The following MCF2L2 variants were observed in gnomAD, a reference collection of about 807,000 sequenced individuals.
The protein encoded by MCF2L2 is MCF.2 cell line derived transforming sequence-like 2.
MCF2L2 carries 102 observed loss-of-function variants against 150.2 expected under a neutral mutation model. The ratio of observed to expected loss-of-function variants is 0.68; its 90% CI spans 0.58 to 0.80. The LOEUF (loss-of-function observed/expected upper bound fraction) is 0.80. MCF2L2 is among the 30% of genes least tolerant of loss of function. The pLI is 0.00. For synonymous variants in MCF2L2, 465 were observed against 491.3 expected (o/e 0.95, Z 0.71); for missense variants, 1,256 against 1,372.8 (o/e 0.91, Z 1.34).
intron 22 of MCF2L2, among the ~76,000 whole-genome samples, chr3:183,213,745 T>C (rs1722817569): frequency 6.6e-6 from 1 of 152,226 alleles, no homozygotes; most frequent in Non-Finnish European, 1.5e-5. Flanking sequence ...GTGACAGCCA[T>C]GTAATCTTGA....
At chr3:183,395,917 C>CAAAAAA (rs11338932) in intron 1 of MCF2L2, among the ~76,000 whole-genome samples, 8 of 58,088 alleles carry the variant, frequency 1.4e-4, no homozygotes, top group African/African-American at 3.6e-4. Context: ...GACATCGTCT[C>CAAAAAA]AAAAAAAAAA....
Position 183,341,617 on chromosome 3 carries a change from T to G in MCF2L2, c.289A>C (p.Ser97Arg), listed in dbSNP as rs377129962. Residue 97 changes from serine to arginine, a missense_variant, in exon 4 of 30, where the codon AGC (serine) becomes CGC (arginine). By Grantham distance (110) the Ser-to-Arg change is moderately radical. Coordinates refer to ENST00000328913, the MANE Select transcript of MCF2L2 (RefSeq NM_015078.4). ...TCGATAACAACAATGAATCCAATGC[T>G]GGCAGCCTCCACACTGCAAAGAAGG... ...LTSIPSVEAA[S>R]IGFIVVIDRR... is the part of the protein sequence containing the mutation. The G allele has an allele frequency of 6.8e-6, 11 of 1,613,990 alleles. No homozygotes were observed. In the South Asian group the frequency reaches 1.2e-4, roughly 18 times the overall value.
At chr3:183,380,024 T>C (rs1264891304) in intron 2 of MCF2L2, among the ~76,000 whole-genome samples, 1 of 151,958 alleles carries the variant, frequency 6.6e-6, no homozygotes, top group Non-Finnish European at 1.5e-5. Flanking sequence ...ATAAAACTGC[T>C]CAAAAAATGG....
At position 183,311,517 on chromosome 3, in the gene MCF2L2, T is replaced by C. The variant is rs1017630680; in HGVS notation, c.878+131A>G. On this transcript the variant is annotated intron_variant, in intron 8 of 29. Coordinates refer to ENST00000328913, the MANE Select transcript of MCF2L2 (RefSeq NM_015078.4). ...GGACGTATTCTTTTTTCCTTTGTTG[T>C]CTCAAATATTCTTCTTCCTTGGCCC... The C allele has an allele frequency of 1.4e-5, 14 of 998,174 alleles. No homozygotes were observed. The African/African-American group carries it at 2.3e-4, about 16-fold the overall frequency. 61.8% of individuals were successfully genotyped at this position (998,174 alleles called of 1,614,324 possible).
intron 3 of MCF2L2, among the ~76,000 whole-genome samples, chr3:183,364,819 A>G (rs1402392280): frequency 6.6e-6 from 1 of 152,196 alleles, no homozygotes; most frequent in Admixed American, 6.5e-5. Context: ...ACGAAAATAT[A>G]GGTTACTTAA....
intron 15 of MCF2L2, among the ~76,000 whole-genome samples, chr3:183,244,157 C>T (rs987817662): frequency 4.6e-5 from 7 of 151,712 alleles, no homozygotes; most frequent in African/African-American, 1.7e-4. Flanking sequence ...AGAAATCCAT[C>T]CTTAAAATTC....
At chr3:183,245,395 A>G (rs1343631683) in intron 15 of MCF2L2, among the ~76,000 whole-genome samples, 3 of 152,176 alleles carry the variant, frequency 2.0e-5, no homozygotes, top group African/African-American at 7.2e-5. Flanking sequence ...ATGGCCACAC[A>G]CAGGGCCTTA....
intron 20 of MCF2L2, among the ~76,000 whole-genome samples, chr3:183,221,235 A>AC (rs35090827): frequency 6.6e-6 from 1 of 151,898 alleles, no homozygotes; most frequent in African/African-American, 2.4e-5. Context: ...CTCCTCACAG[A>AC]CCCCCCGCAA....
rs768819826 is a variant in MCF2L2 at position 183,219,895 on chromosome 3, A to G, written c.2331T>C (p.Asp777=). 1.9e-6 allele frequency: 3 copies of G among 1,613,698 alleles called. No homozygotes were observed. The highest frequency in any genetic ancestry group is 1.1e-5 in the South Asian group (1 of 91,054). Residue 777 remains aspartate, a synonymous_variant, in exon 21 of 30, where the codon GAT becomes GAC. Coordinates refer to ENST00000328913, the MANE Select transcript of MCF2L2 (RefSeq NM_015078.4). ...KGLLDFESPE[D]MEIDPGELGG... Reference sequence around the variant, plus strand: ...CTAGTTCACCTGGGTCTATCTCCATATCTTCAGGAGACTCGAAATCCAGCA... The same window carrying G: ...CTAGTTCACCTGGGTCTATCTCCATGTCTTCAGGAGACTCGAAATCCAGCA...
intron 2 of MCF2L2, among the ~76,000 whole-genome samples, chr3:183,388,334 C>T (rs980396590): frequency 9.5e-6 from 1 of 105,414 alleles, no homozygotes; most frequent in Non-Finnish European, 2.0e-5. Context: ...ATGGTGGTCT[C>T]GGGGCCTTCT....
chr3:183,343,744 A>G (rs1160704922), intron 3 of MCF2L2, among the ~76,000 whole-genome samples: 1 of 152,258 alleles, frequency 6.6e-6, no homozygotes, highest in African/African-American at 2.4e-5. Flanking sequence ...TATGTGAATA[A>G]GTATTATCAA....
chr3:183,291,562 A>G (rs901892474), intron 13 of MCF2L2, among the ~76,000 whole-genome samples: 1 of 152,252 alleles, frequency 6.6e-6, no homozygotes, highest in Non-Finnish European at 1.5e-5. Flanking sequence ...CAAGAGTCAG[A>G]GCTGAAATTC....
chr3:183,234,458 T>C (rs1279832300), intron 15 of MCF2L2, among the ~76,000 whole-genome samples: 2 of 152,270 alleles, frequency 1.3e-5, no homozygotes, highest in South Asian at 2.1e-4. Context: ...GGAAAAAAAG[T>C]CTAGAAATCT....
At position 183,311,019 on chromosome 3, in the gene MCF2L2, G is replaced by A. The variant is rs763373994; in HGVS notation, c.889C>T (p.Gln297Ter). The part of the protein sequence containing the change: ...NVTTMERLLV[Q>*]LDETEKAFSH... ...AAGGCTTTTTCTGTTTCATCCAGTT[G>A]AACTAATAACCTTTCAAGAAAGAAT... The change falls in exon 9 of 30, where the codon CAA becomes TAA. Residue 297 changes from glutamine to a stop codon, truncating the protein, a stop_gained. Coordinates refer to ENST00000328913, the MANE Select transcript of MCF2L2 (RefSeq NM_015078.4). LOFTEE classifies it high-confidence loss of function. 4 of 1,603,378 alleles carry A rather than the reference G, an allele frequency of 2.5e-6. No individual in the cohort carries two copies. The highest frequency in any genetic ancestry group is 3.4e-6 in the Non-Finnish European group (4 of 1,170,514).
chr3:183,398,234 A>T (rs932916211), intron 1 of MCF2L2, among the ~76,000 whole-genome samples: 2 of 152,162 alleles, frequency 1.3e-5, no homozygotes, highest in Non-Finnish European at 2.9e-5. Flanking sequence ...TGCCAATGGG[A>T]GGTAAGCAAA....
At position 183,403,808 on chromosome 3, in the gene MCF2L2, G is replaced by A. The variant is rs900304021; in HGVS notation, c.77-14029C>T. On this transcript the variant is annotated intron_variant, in intron 1 of 29. Transcript: ENST00000328913. The stretch of plus-strand genomic sequence containing the variant: ...TCATAAGGCATGAGAGTATAGTATG[G>A]GAAAGGAAAGGGAGTGGAGGTTCAC... Among the ~76,000 whole-genome samples, 10 of 152,324 alleles carry A rather than the reference G, an allele frequency of 6.6e-5. No homozygotes were observed. In the East Asian group the frequency reaches 1.7e-3, roughly 26 times the overall value.
intron 3 of MCF2L2, among the ~76,000 whole-genome samples, chr3:183,346,028 C>T (rs977063830): frequency 2.6e-5 from 4 of 152,168 alleles, no homozygotes; most frequent in African/African-American, 7.2e-5. Flanking sequence ...TGAAACTATT[C>T]CAAACAATAG....
intron 1 of MCF2L2, among the ~76,000 whole-genome samples, chr3:183,391,272 T>G (rs1714130822): frequency 1.3e-5 from 2 of 151,858 alleles, no homozygotes; most frequent in South Asian, 4.2e-4. Flanking sequence ...TTTTTTTGTT[T>G]TTTTCTGAAA....
chr3:183,282,152 C>T (rs1366533557), intron 14 of MCF2L2, among the ~76,000 whole-genome samples: 1 of 150,942 alleles, frequency 6.6e-6, no homozygotes, highest in Non-Finnish European at 1.5e-5. Context: ...GTTAAATTGG[C>T]TTTTATTATT....
Sources: gnomAD v4.1 joint callset for allele counts (sites outside exome capture counted in the v4.1 genomes callset) on GRCh38, gnomAD v4.1.1 for gene constraint, MANE v1.5 for transcripts, NCBI Gene and HGNC (gene_info 2026-07-23, HGNC 2026-07-21) for gene names.